The following PPM1H variants were observed in gnomAD, a reference collection of about 807,000 sequenced individuals.
PPM1H encodes protein phosphatase 1H.
Under a neutral mutation model 54.9 loss-of-function variants are expected in PPM1H, and 27 were observed. That is an observed-to-expected ratio of 0.49 (90% CI 0.36 to 0.68). PPM1H has a LOEUF of 0.68. PPM1H is among the 30% of genes least tolerant of loss of function. The pLI is 0.00. For missense variants in PPM1H, 596 were observed against 667.8 expected (o/e 0.89, Z 1.19); for synonymous variants, 305 against 270.8 (o/e 1.13, Z -1.24).
At chr12:62,857,037 T>C (rs953867597) in intron 1 of PPM1H, among the ~76,000 whole-genome samples, 3 of 152,218 alleles carry the variant, frequency 2.0e-5, no homozygotes, top group African/African-American at 7.2e-5. Flanking sequence ...TATAGTAGTT[T>C]ATGAATCAGA....
At chr12:62,886,503 T>C (rs1870594821) in intron 1 of PPM1H, among the ~76,000 whole-genome samples, 2 of 152,182 alleles carry the variant, frequency 1.3e-5, no homozygotes, top group South Asian at 4.1e-4. Context: ...ACTGAAAGCA[T>C]CTAGTCACTC....
chr12:62,735,590 A>T (rs938929379), intron 5 of PPM1H, among the ~76,000 whole-genome samples: 6 of 152,282 alleles, frequency 3.9e-5, no homozygotes, highest in South Asian at 4.1e-4. Context: ...TGTGTTGAAT[A>T]CTGGCAATAT....
At chr12:62,841,476 T>TA (rs1481886122) in intron 1 of PPM1H, among the ~76,000 whole-genome samples, 1 of 152,214 alleles carries the variant, frequency 6.6e-6, no homozygotes. Flanking sequence ...GCAGAGTTAT[T>TA]AGTAGTTGCA....
chr12:62,735,508 G>C, intron 5 of PPM1H, among the ~76,000 whole-genome samples: 1 of 152,212 alleles, frequency 6.6e-6, no homozygotes, highest in Middle Eastern at 3.4e-3. Context: ...ATGAGCCACC[G>C]TGCCCAGCCT....
chr12:62,701,893 C>T (rs1225320281), intron 6 of PPM1H, among the ~76,000 whole-genome samples: 1 of 152,192 alleles, frequency 6.6e-6, no homozygotes, highest in African/African-American at 2.4e-5. Flanking sequence ...ACCTTCTGTC[C>T]CAACATCCTG....
chr12:62,854,009 G>C (rs185694852), intron 1 of PPM1H, among the ~76,000 whole-genome samples: 339 of 152,136 alleles, frequency 2.2e-3, no homozygotes, highest in Admixed American at 5.0e-3. Context: ...CTCCAAAAAA[G>C]TCTTCTGATA....
At chr12:62,891,749 A>G (rs1018598956) in intron 1 of PPM1H, among the ~76,000 whole-genome samples, 2 of 152,226 alleles carry the variant, frequency 1.3e-5, no homozygotes. Flanking sequence ...AGTCTTGCCG[A>G]AAGAATTACA....
chr12:62,898,589 C>T (rs142702320), intron 1 of PPM1H, among the ~76,000 whole-genome samples: 90 of 152,294 alleles, frequency 5.9e-4, no homozygotes, highest in African/African-American at 2.0e-3. Context: ...TTTGTTGTCA[C>T]GTGTTGCTAA....
chr12:62,736,504 T>A (rs1254051345), intron 5 of PPM1H, among the ~76,000 whole-genome samples: 1 of 152,196 alleles, frequency 6.6e-6, no homozygotes, highest in Non-Finnish European at 1.5e-5. Flanking sequence ...ATTCCTGCTG[T>A]CTTATACACC....
chr12:62,667,040 C>G (rs532678267), intron 9 of PPM1H, 138 bp downstream of exon 9: 2 of 956,086 alleles, frequency 2.1e-6, no homozygotes, highest in South Asian at 2.0e-5. Context: ...GAAAGGTAAT[C>G]CCTTCTGCAG....
chr12:62,926,553 C>T (rs1167122640), intron 1 of PPM1H, among the ~76,000 whole-genome samples: 1 of 152,014 alleles, frequency 6.6e-6, no homozygotes, highest in Non-Finnish European at 1.5e-5. Context: ...GAAAAAATAT[C>T]ACAACATAAT....
At chr12:62,712,675 G>T (rs1234375594) in intron 6 of PPM1H, among the ~76,000 whole-genome samples, 1 of 152,216 alleles carries the variant, frequency 6.6e-6, no homozygotes, top group African/African-American at 2.4e-5. Context: ...GAGTCAAGCT[G>T]TTCAAAAATG....
intron 9 of PPM1H, among the ~76,000 whole-genome samples, chr12:62,652,519 C>A (rs561425484): frequency 2.6e-5 from 4 of 152,196 alleles, no homozygotes. Flanking sequence ...CATATATACA[C>A]ACACATATGA....
chr12:62,821,334 T>A (rs1485599376), intron 2 of PPM1H, among the ~76,000 whole-genome samples: 7 of 152,200 alleles, frequency 4.6e-5, no homozygotes, highest in African/African-American at 1.7e-4. Context: ...GGAAACAAGT[T>A]GGAAAACACT....
chr12:62,694,176 C>T (rs942528119), intron 6 of PPM1H, among the ~76,000 whole-genome samples, 177 bp from the exon 7 acceptor site: 2 of 152,078 alleles, frequency 1.3e-5, no homozygotes, highest in Non-Finnish European at 2.9e-5. Context: ...GTGTCTTTTA[C>T]CAAACCAGAA....
At chr12:62,802,377 T>C (rs1364318324) in intron 2 of PPM1H, among the ~76,000 whole-genome samples, 1 of 152,126 alleles carries the variant, frequency 6.6e-6, no homozygotes, top group Non-Finnish European at 1.5e-5. Context: ...CCATTGTTGT[T>C]ACTAGCACCA....
At chr12:62,666,221 G>T (rs1363840658) in intron 9 of PPM1H, among the ~76,000 whole-genome samples, 1 of 152,054 alleles carries the variant, frequency 6.6e-6, no homozygotes, top group East Asian at 1.9e-4. Context: ...GAGACTACAG[G>T]TATGCATCAC....
chr12:62,682,688 G>T (rs1192548332), intron 8 of PPM1H, among the ~76,000 whole-genome samples: 1 of 152,156 alleles, frequency 6.6e-6, no homozygotes, highest in Non-Finnish European at 1.5e-5. Context: ...ACTTTTTGTA[G>T]AGACAGGGTT....
chr12:62,824,314 G>T (rs930912905), intron 2 of PPM1H, among the ~76,000 whole-genome samples: 2 of 152,128 alleles, frequency 1.3e-5, no homozygotes, highest in African/African-American at 4.8e-5. Flanking sequence ...TTGTGAAAAT[G>T]GCCATACTGC....
Sources: gnomAD v4.1 joint callset for allele counts (sites outside exome capture counted in the v4.1 genomes callset) on GRCh38, gnomAD v4.1.1 for gene constraint, MANE v1.5 for transcripts, NCBI Gene and HGNC (gene_info 2026-07-23, HGNC 2026-07-21) for gene names.